Variants in MAP7D3 observed in about 807,000 individuals in gnomAD.
MAP7D3 encodes the protein MAP7 domain containing 3.
A neutral mutation model predicts 62.2 loss-of-function variants in MAP7D3; 45 were observed. That is an observed-to-expected ratio of 0.72 (90% CI 0.57 to 0.93). The LOEUF (loss-of-function observed/expected upper bound fraction) is 0.93. Ranked by LOEUF, MAP7D3 falls within the 40% of genes least tolerant of loss-of-function variation. The pLI is 0.00. For synonymous variants in MAP7D3, 288 were observed against 248.8 expected (o/e 1.16, Z -1.48); for missense variants, 711 against 683.1 (o/e 1.04, Z -0.45).
upstream of MAP7D3, chrX:136,256,374 G>C (rs899041874): frequency 2.1e-5 from 24 of 1,119,822 alleles, no homozygotes; most frequent in Middle Eastern, 1.4e-3. Flanking sequence ...CTGCAGCACT[G>C]CTCCCCCACC....
chrX:136,223,877 AAAAT>A (rs1295919570), intron 14 of MAP7D3, among the ~76,000 whole-genome samples: 1 of 108,403 alleles, frequency 9.2e-6, no homozygotes, highest in African/African-American at 3.4e-5. Flanking sequence ...TTTCTACAAA[AAAAT>A]AAATAAATAA....
chrX:136,254,282 G>T (rs1361652456), upstream of MAP7D3, among the ~76,000 whole-genome samples: 10 of 108,697 alleles, frequency 9.2e-5, no homozygotes, highest in Non-Finnish European at 1.5e-4. Context: ...ACGGGGTTTT[G>T]CCATGTTGAC....
Position 136,220,869 on chromosome X carries a change from A to G in MAP7D3, c.2382T>C (p.Gly794=). The part of the protein sequence containing the change: ...MTHKLVFLED[G]TSQVRKEPKT... ...TTGGCTCTTTACGGACCTGGCTGGT[A>G]CCATCTTCTAGAAATACCAGCTTGT... is the stretch of plus-strand genomic sequence containing the variant. Residue 794 remains glycine (G), a synonymous_variant, in exon 16 of 19, where the codon GGT becomes GGC. Coordinates refer to ENST00000316077, the MANE Select transcript of MAP7D3 (RefSeq NM_024597.4). 8.3e-7 allele frequency: 1 copy of G among 1,205,179 alleles called. No individual in the cohort carries two copies. The highest frequency in any genetic ancestry group is 1.7e-5 in the African/African-American group (1 of 57,672).
intron 1 of MAP7D3, among the ~76,000 whole-genome samples, chrX:136,248,056 A>T (rs1041705853): frequency 6.3e-5 from 7 of 111,662 alleles, no homozygotes; most frequent in African/African-American, 2.3e-4. Flanking sequence ...ATCTCTAAAA[A>T]TACAAAAATT....
At chrX:136,213,827 T>C (rs374974289), downstream of MAP7D3, 3 of 112,242 alleles carry the variant, frequency 2.7e-5, no homozygotes, top group South Asian at 3.7e-4. Flanking sequence ...CCACACCTCA[T>C]AGAGTTGTTG....
intron 5 of MAP7D3, 58 bp from the exon 6 acceptor site, chrX:136,240,544 C>T: frequency 1.3e-6 from 1 of 797,651 alleles, no homozygotes; most frequent in Non-Finnish European, 1.9e-6. Context: ...GAATCATTAA[C>T]TGAAAAAAAA....
Position 136,232,075 on chromosome X carries a change from T to G in MAP7D3, c.882A>C (p.Lys294Asn), listed in dbSNP as rs780671861. ...CACTTGCCTTGGGAGGTGTCTCTACTTTCTCCAAGGGAGACTCTTCTACTT... is the reference window on the plus strand; with the variant it reads ...CACTTGCCTTGGGAGGTGTCTCTACGTTCTCCAAGGGAGACTCTTCTACTT... The part of the protein sequence containing the change: ...QTKVEESPLE[K>N]VETPPKASVD... The change falls in exon 8 of 19, where the codon AAA becomes AAC. Residue 294 changes from lysine to asparagine, a missense_variant. Coordinates refer to ENST00000316077, the MANE Select transcript of MAP7D3 (RefSeq NM_024597.4). 6.6e-6 allele frequency: 8 copies of G among 1,210,944 alleles called. No homozygotes were observed. In the South Asian group the frequency reaches 1.1e-4, roughly 16 times the overall value.
intron 14 of MAP7D3, among the ~76,000 whole-genome samples, chrX:136,224,052 C>CAA (rs59789059): frequency 0.015 from 159 of 10,495 alleles, 4 homozygotes; most frequent in Admixed American, 0.017. Context: ...ACTCTTATCT[C>CAA]AAAAAAAAAA....
chrX:136,220,214 T>C (rs2074108950), intron 16 of MAP7D3, among the ~76,000 whole-genome samples: 1 of 111,709 alleles, frequency 9.0e-6, no homozygotes, highest in Non-Finnish European at 1.9e-5. Flanking sequence ...TCCCAGCACT[T>C]TGGGAGGCCG....
rs2148396194 is a variant in MAP7D3, at chrX:136,219,681, GAC to G, written c.2487-12_2487-11del. On this transcript the variant is annotated splice_polypyrimidine_tract_variant and intron_variant, in intron 16 of 18. Coordinates refer to ENST00000316077, the MANE Select transcript of MAP7D3 (RefSeq NM_024597.4). Reference sequence around the variant, plus strand: ...TCTTTTGGAAGATGGTCTGGAAAGAGACAGTTTGGTTAGAATCCCAATTATTC... The same window carrying G: ...TCTTTTGGAAGATGGTCTGGAAAGAGAGTTTGGTTAGAATCCCAATTATTC... 1.7e-6 allele frequency: 2 copies of G among 1,183,158 alleles called. No homozygotes were observed. Among genetic ancestry groups the G allele is most frequent in the East Asian group, 5.9e-5 (2 of 33,758 alleles).
upstream of MAP7D3, among the ~76,000 whole-genome samples, chrX:136,253,508 C>T (rs776644980): frequency 4.4e-5 from 5 of 112,385 alleles, no homozygotes; most frequent in East Asian, 1.4e-3. Context: ...TTCCAGATCA[C>T]AGGAGGCTAA....
At chrX:136,246,916 G>A (rs1381459037) in intron 1 of MAP7D3, among the ~76,000 whole-genome samples, 1 of 112,003 alleles carries the variant, frequency 8.9e-6, no homozygotes, top group African/African-American at 3.3e-5. Context: ...CTCACTTTTA[G>A]AAAATCAGCA....
intron 9 of MAP7D3, 89 bp from the exon 10 acceptor site, chrX:136,230,682 CAG>C: frequency 1.1e-6 from 1 of 884,348 alleles, no homozygotes; most frequent in Non-Finnish European, 1.6e-6. Context: ...ACATTATAAT[CAG>C]GGAATTTTTC....
Position 136,217,238 on chromosome X carries a change from G to A in MAP7D3, c.*1288C>T, listed in dbSNP as rs188364369. On this transcript the variant is annotated 3_prime_UTR_variant, in exon 19 of 19. Coordinates refer to ENST00000316077, the MANE Select transcript of MAP7D3 (RefSeq NM_024597.4). ...GTGCATTTCTGTGTGCCCATCACAC[G>A]AACTCACTGGCAGCCAGTGGCTAGA... 1.6e-4 allele frequency: 18 copies of A among 112,229 alleles called. No individual in the cohort carries two copies. The East Asian group carries it at 3.9e-3, about 24-fold the overall frequency. 9.2% of individuals were successfully genotyped at this position (112,229 alleles called of 1,213,427 possible).
chrX:136,255,078 GTGGTGGCACGCGCC>G (rs1341150740), upstream of MAP7D3, among the ~76,000 whole-genome samples: 1 of 111,610 alleles, frequency 9.0e-6, no homozygotes, highest in Non-Finnish European at 1.9e-5. Flanking sequence ...TTAGCTGGGC[GTGGTGGCACGCGCC>G]TGTAATCCTA....
At chrX:136,225,773 A>G (rs1211168109) in intron 13 of MAP7D3, 136 bp downstream of exon 13, 1 of 440,997 alleles carries the variant, frequency 2.3e-6, no homozygotes, top group East Asian at 3.9e-5. Flanking sequence ...ATCCTTGGAT[A>G]AGGAAGAGAA....
intron 7 of MAP7D3, among the ~76,000 whole-genome samples, chrX:136,233,252 G>A (rs1274116981): frequency 2.8e-5 from 3 of 105,854 alleles, no homozygotes; most frequent in Admixed American, 1.1e-4. Flanking sequence ...TCTTCTACAC[G>A]AAATATTTAT....
chrX:136,234,788 C>A (rs1359712855), intron 7 of MAP7D3, among the ~76,000 whole-genome samples: 1 of 111,712 alleles, frequency 9.0e-6, no homozygotes, highest in African/African-American at 3.3e-5. Flanking sequence ...GCTAATGACG[C>A]TTTTGTTGGG....
At chrX:136,244,601 C>T (rs1318332034) in intron 4 of MAP7D3, 31 bp downstream of exon 4, 24 of 1,174,686 alleles carry the variant, frequency 2.0e-5, no homozygotes, top group Non-Finnish European at 2.5e-5. Context: ...CACAGTTTAT[C>T]CTCTCATGCA....
Sources: gnomAD v4.1 joint callset for allele counts (sites outside exome capture counted in the v4.1 genomes callset) on GRCh38, gnomAD v4.1.1 for gene constraint, MANE v1.5 for transcripts, NCBI Gene and HGNC (gene_info 2026-07-23, HGNC 2026-07-21) for gene names.